Variants in RASGRF2 observed in about 807,000 individuals in gnomAD.
The protein encoded by RASGRF2 is Ras protein specific guanine nucleotide releasing factor 2, also known as ras-specific guanine nucleotide-releasing factor 2.
RASGRF2 carries 76 observed loss-of-function variants against 151.0 expected under a neutral mutation model. The ratio of observed to expected loss-of-function variants is 0.50; its 90% CI spans 0.42 to 0.61. The LOEUF (loss-of-function observed/expected upper bound fraction) is 0.61, where lower values mean the gene tolerates loss of function less well. Ranked by LOEUF, RASGRF2 falls within the 20% of genes least tolerant of loss-of-function variation. RASGRF2 has a pLI of 0.00. For missense variants in RASGRF2, 1,148 were observed against 1,564.6 expected, an observed-to-expected ratio of 0.73 and a Z score of 4.49; for synonymous variants, 504 against 566.5, an observed-to-expected ratio of 0.89 and a Z score of 1.57.
At chr5:81,082,920 T>C (rs564174585) in intron 7 of RASGRF2, among the ~76,000 whole-genome samples, 35 of 152,348 alleles carry the variant, frequency 2.3e-4, no homozygotes, top group South Asian at 8.3e-4. Flanking sequence ...GGAGAAGTCA[T>C]TGGAGTTCTG....
At chr5:81,212,895 T>G (rs1273118760) in intron 23 of RASGRF2, among the ~76,000 whole-genome samples, 1 of 152,152 alleles carries the variant, frequency 6.6e-6, no homozygotes, top group African/African-American at 2.4e-5. Context: ...TCTCCCAGAG[T>G]GAGGGTGCAA....
At chr5:81,108,879 TGTA>T in intron 12 of RASGRF2, 114 bp from the exon 13 acceptor site, 153 of 802,580 alleles carry the variant, frequency 1.9e-4, no homozygotes, top group Non-Finnish European at 2.2e-4. Flanking sequence ...TGTGTGTGTG[TGTA>T]AGAGACAGGG....
intron 17 of RASGRF2, among the ~76,000 whole-genome samples, chr5:81,130,689 A>G (rs562726853): frequency 1.6e-4 from 24 of 152,248 alleles, no homozygotes; most frequent in Non-Finnish European, 3.5e-4. Context: ...ACTCCCAAAC[A>G]GACTTTGTAT....
chr5:81,105,170 G>A (rs1265611880), intron 12 of RASGRF2, among the ~76,000 whole-genome samples: 1 of 152,180 alleles, frequency 6.6e-6, no homozygotes, highest in Non-Finnish European at 1.5e-5. Context: ...TGGGCTGCCA[G>A]GTAGCTCTGC....
At chr5:81,217,559 T>C in intron 25 of RASGRF2, 86 bp downstream of exon 25, 1 of 873,354 alleles carries the variant, frequency 1.1e-6, no homozygotes, top group Non-Finnish European at 1.5e-6. Flanking sequence ...AATGTCTGCT[T>C]TTTTTTTTTC....
At chr5:80,992,374 C>T (rs995886003) in intron 1 of RASGRF2, among the ~76,000 whole-genome samples, 3 of 152,146 alleles carry the variant, frequency 2.0e-5, no homozygotes, top group Non-Finnish European at 2.9e-5. Flanking sequence ...CATCCCCATG[C>T]CTGTAGGGAA....
At chr5:81,212,928 G>A (rs963239139) in intron 23 of RASGRF2, among the ~76,000 whole-genome samples, 1 of 152,048 alleles carries the variant, frequency 6.6e-6, no homozygotes, top group African/African-American at 2.4e-5. Flanking sequence ...CAAAAGCCAG[G>A]GACAAAAGGC....
chr5:81,164,878 T>C (rs1353915855), intron 17 of RASGRF2, among the ~76,000 whole-genome samples: 2 of 152,192 alleles, frequency 1.3e-5, no homozygotes, highest in African/African-American at 2.4e-5. Context: ...ACTTGGAGGC[T>C]CTCAAATATG....
intron 2 of RASGRF2, among the ~76,000 whole-genome samples, chr5:81,061,418 T>G (rs189447934): frequency 6.6e-6 from 1 of 152,334 alleles, no homozygotes; most frequent in East Asian, 1.9e-4. Flanking sequence ...TGACAATATC[T>G]ATTTACTATA....
chr5:81,000,495 G>A (rs373732641), intron 1 of RASGRF2, among the ~76,000 whole-genome samples: 2 of 152,064 alleles, frequency 1.3e-5, no homozygotes, highest in South Asian at 2.1e-4. Context: ...CACCCACCTC[G>A]GCTTCCCAAA....
intron 1 of RASGRF2, among the ~76,000 whole-genome samples, chr5:81,028,217 A>T (rs953871745): frequency 7.7e-6 from 1 of 130,274 alleles, no homozygotes; most frequent in East Asian, 2.1e-4. Flanking sequence ...TTAGGAAATA[A>T]ATTTTTCTCA....
chr5:81,085,153 T>A (rs1752193496), intron 7 of RASGRF2, among the ~76,000 whole-genome samples: 1 of 152,236 alleles, frequency 6.6e-6, no homozygotes. Flanking sequence ...CCACAATAAA[T>A]AAGTTGTGTC....
chr5:81,075,113 G>A (rs1170017751), intron 5 of RASGRF2, among the ~76,000 whole-genome samples: 3 of 152,186 alleles, frequency 2.0e-5, no homozygotes, highest in Non-Finnish European at 4.4e-5. Context: ...AGTGAGAGAT[G>A]AGACACCTGT....
At chr5:81,095,870 A>G (rs1030730625) in intron 12 of RASGRF2, among the ~76,000 whole-genome samples, 2 of 152,188 alleles carry the variant, frequency 1.3e-5, no homozygotes, top group African/African-American at 4.8e-5. Flanking sequence ...GAAATAGAAA[A>G]TGAATGTCAA....
intron 2 of RASGRF2, among the ~76,000 whole-genome samples, chr5:81,057,537 A>G (rs10942941): frequency 0.18 from 27,562 of 151,990 alleles, 2,638 homozygotes; most frequent in Admixed American, 0.27. Context: ...TTTTTTATTT[A>G]TTTTTATTTG....
intron 2 of RASGRF2, among the ~76,000 whole-genome samples, chr5:81,051,514 C>A (rs1751010568): frequency 6.6e-6 from 1 of 152,144 alleles, no homozygotes; most frequent in South Asian, 2.1e-4. Context: ...TCTAGCCAAC[C>A]ACTAATCTCC....
At chr5:81,130,981 T>C (rs1443322979) in intron 17 of RASGRF2, among the ~76,000 whole-genome samples, 1 of 152,078 alleles carries the variant, frequency 6.6e-6, no homozygotes, top group South Asian at 2.1e-4. Context: ...GCTTTAATAC[T>C]CTCCCAGCCC....
At position 81,225,945 on chromosome 5, in the gene RASGRF2, G is replaced by T. The variant is rs1755990595; in HGVS notation, c.*175G>T. The T allele has an allele frequency of 3.2e-6, 2 of 627,694 alleles. No individual in the cohort carries two copies. The highest frequency in any genetic ancestry group is 4.9e-6 in the Non-Finnish European group (2 of 408,498). 38.9% of individuals were successfully genotyped at this position (627,694 alleles called of 1,614,324 possible). On this transcript the variant is annotated 3_prime_UTR_variant, in exon 27 of 27. Transcript: ENST00000265080. Reference sequence around the variant, plus strand: ...GAGAAACCCAGCTGTTTGGGTCAAAGACAGATGCTTCAGACTTGGGTGGGA... The same window carrying T: ...GAGAAACCCAGCTGTTTGGGTCAAATACAGATGCTTCAGACTTGGGTGGGA...
intron 18 of RASGRF2, among the ~76,000 whole-genome samples, chr5:81,181,012 G>C (rs1158670783): frequency 3.3e-5 from 5 of 152,144 alleles, no homozygotes; most frequent in Non-Finnish European, 4.4e-5. Flanking sequence ...CCACCTGCCT[G>C]GCACCCTGCA....
Sources: allele counts gnomAD v4.1 joint callset (sites outside exome capture counted in the v4.1 genomes callset), GRCh38; gene constraint gnomAD v4.1.1; transcripts MANE v1.5; gene names NCBI Gene and HGNC (gene_info 2026-07-23, HGNC 2026-07-21).